SCIN: variants seen among roughly 807,000 people sequenced by gnomAD.
SCIN encodes adseverin.
A neutral mutation model predicts 91.8 loss-of-function variants in SCIN; 91 were observed. The ratio of observed to expected loss-of-function variants is 0.99; its 90% CI spans 0.84 to 1.18. The LOEUF (loss-of-function observed/expected upper bound fraction) is 1.18, where lower values mean the gene tolerates loss of function less well. SCIN is among the 50% of genes most tolerant of loss of function. SCIN has a pLI of 0.00. For missense variants in SCIN, 1,087 were observed against 863.9 expected, an observed-to-expected ratio of 1.26 and a Z score of -3.24; for synonymous variants, 367 against 312.6, an observed-to-expected ratio of 1.17 and a Z score of -1.84.
chr7:12,626,917 C>G, intron 8 of SCIN, 118 bp downstream of exon 8: 1 of 847,954 alleles, frequency 1.2e-6, no homozygotes. Flanking sequence ...TGGTGAAACC[C>G]CACCTCTACT....
Position 12,615,393 on chromosome 7 carries a change from GT to G in SCIN, c.667-7404del, listed in dbSNP as rs138179972. 9.7e-4 allele frequency among the ~76,000 whole-genome samples: 148 copies of G among 152,102 alleles called. 1 individual carries two copies. Among genetic ancestry groups the G allele is most frequent in the Admixed American group, 1.5e-3 (23 of 15,264 alleles). On this transcript the variant is annotated intron_variant, in intron 4 of 15. Transcript: ENST00000297029. ...GAGGGAGTTCTCATGAGGTCTGATGGTTTTAAAGGTGGTAGTTTTTTCCTTT... is the reference window on the plus strand; with the variant it reads ...GAGGGAGTTCTCATGAGGTCTGATGGTTTAAAGGTGGTAGTTTTTTCCTTT...
chr7:12,633,331 C>T (rs1331402596), intron 9 of SCIN, among the ~76,000 whole-genome samples: 2 of 152,168 alleles, frequency 1.3e-5, no homozygotes, highest in African/African-American at 4.8e-5. Flanking sequence ...TTACACAGCA[C>T]TCATCTTTAA....
At chr7:12,597,773 T>C (rs569425202) in intron 3 of SCIN, among the ~76,000 whole-genome samples, 1 of 152,354 alleles carries the variant, frequency 6.6e-6, no homozygotes, top group African/African-American at 2.4e-5. Flanking sequence ...ATTTATAGTC[T>C]CATTTCTTCC....
chr7:12,624,634 T>C (rs971071981), intron 5 of SCIN, among the ~76,000 whole-genome samples: 9 of 152,126 alleles, frequency 5.9e-5, no homozygotes, highest in Non-Finnish European at 1.2e-4. Context: ...CAAGAAATAA[T>C]CATGGAAAGT....
At chr7:12,623,001 C>T (rs1783441643) in intron 5 of SCIN, 108 bp downstream of exon 5, 1 of 645,920 alleles carries the variant, frequency 1.5e-6, no homozygotes, top group Non-Finnish European at 2.7e-6. Context: ...CTCCTCATTG[C>T]TCTCCAAGAG....
At chr7:12,650,126 A>G (rs1338836573) in intron 14 of SCIN, among the ~76,000 whole-genome samples, 3 of 152,346 alleles carry the variant, frequency 2.0e-5, no homozygotes, top group East Asian at 3.9e-4. Flanking sequence ...ACTAAATTAT[A>G]TAGAACAAGT....
At chr7:12,621,003 A>G (rs1316943263) in intron 4 of SCIN, among the ~76,000 whole-genome samples, 1 of 152,152 alleles carries the variant, frequency 6.6e-6, no homozygotes, top group Non-Finnish European at 1.5e-5. Flanking sequence ...TACATGAGCT[A>G]AATGCCAATC....
At chr7:12,600,639 T>A (rs959309909) in intron 3 of SCIN, among the ~76,000 whole-genome samples, 3 of 152,202 alleles carry the variant, frequency 2.0e-5, no homozygotes, top group Non-Finnish European at 4.4e-5. Context: ...AGCAGAAAAG[T>A]CTACTGAGTT....
At chr7:12,603,106 A>G (rs951138676) in intron 3 of SCIN, among the ~76,000 whole-genome samples, 10 of 152,066 alleles carry the variant, frequency 6.6e-5, no homozygotes, top group African/African-American at 2.4e-4. Context: ...TTTCTGTAGT[A>G]TAGATTCCTA....
chr7:12,644,793 A>C, intron 13 of SCIN, 88 bp downstream of exon 13: 1 of 1,352,732 alleles, frequency 7.4e-7, no homozygotes, highest in African/African-American at 1.5e-5. Context: ...AGGCAGGCAG[A>C]TCACCTGAGG....
intron 3 of SCIN, among the ~76,000 whole-genome samples, chr7:12,586,329 A>T (rs1031876510): frequency 1.3e-5 from 2 of 152,210 alleles, no homozygotes; most frequent in African/African-American, 4.8e-5. Context: ...AAATGAAAAA[A>T]TGCTGAACAT....
intron 2 of SCIN, among the ~76,000 whole-genome samples, chr7:12,580,552 A>G (rs1381322382): frequency 6.6e-6 from 1 of 152,198 alleles, no homozygotes; most frequent in Non-Finnish European, 1.5e-5. Flanking sequence ...GACCATACAT[A>G]AGATCAACCC....
intron 3 of SCIN, among the ~76,000 whole-genome samples, chr7:12,598,511 T>C (rs2115243249): frequency 6.6e-6 from 1 of 152,316 alleles, no homozygotes. Flanking sequence ...CATTTTCAAA[T>C]TTGATGAAAT....
chr7:12,576,542 C>G (rs887889194), intron 1 of SCIN, among the ~76,000 whole-genome samples: 3 of 152,162 alleles, frequency 2.0e-5, no homozygotes, highest in South Asian at 2.1e-4. Context: ...TAAATTATTA[C>G]AGCTTCTAAG....
intron 4 of SCIN, among the ~76,000 whole-genome samples, chr7:12,618,068 G>T (rs535210939): frequency 6.6e-6 from 1 of 152,210 alleles, no homozygotes; most frequent in Admixed American, 6.5e-5. Context: ...GAATGCTGAA[G>T]TCCAGTCCTG....
At chr7:12,622,920 G>A in intron 5 of SCIN, 27 bp downstream of exon 5, 2 of 1,534,572 alleles carry the variant, frequency 1.3e-6, no homozygotes, top group Non-Finnish European at 1.8e-6. Context: ...CAAATTTATT[G>A]TTTCAACAGT....
intron 3 of SCIN, 55 bp downstream of exon 3, chr7:12,581,276 C>G (rs1264379435): frequency 2.0e-6 from 3 of 1,497,224 alleles, no homozygotes; most frequent in Non-Finnish European, 2.7e-6. Flanking sequence ...GCTTTCGGAT[C>G]AAATCATATG....
At chr7:12,626,286 A>C (rs773621724) in intron 7 of SCIN, 1 of 377,440 alleles carries the variant, frequency 2.6e-6, no homozygotes, top group Non-Finnish European at 4.7e-6. Context: ...ATGTCCCTGC[A>C]CAAGGAACAC....
chr7:12,636,906 T>G (rs941396752), intron 10 of SCIN, among the ~76,000 whole-genome samples: 21 of 145,224 alleles, frequency 1.4e-4, no homozygotes, highest in African/African-American at 5.2e-4. Flanking sequence ...ATTAATCAAT[T>G]AAAAAATAAA....
Sources: gnomAD v4.1 joint callset for allele counts (sites outside exome capture counted in the v4.1 genomes callset) on GRCh38, gnomAD v4.1.1 for gene constraint, MANE v1.5 for transcripts, NCBI Gene and HGNC (gene_info 2026-07-23, HGNC 2026-07-21) for gene names.